Variants in CACNB4 observed in about 807,000 individuals in gnomAD.
CACNB4 encodes calcium voltage-gated channel auxiliary subunit beta 4, also known as voltage-dependent L-type calcium channel subunit beta-4.
Under a neutral mutation model 71.2 loss-of-function variants are expected in CACNB4, and 32 were observed. The ratio of observed to expected loss-of-function variants is 0.45; its 90% CI spans 0.34 to 0.60. CACNB4 has a LOEUF of 0.60. Among genes scored for constraint, CACNB4 ranks in the 20% least tolerant of loss-of-function variants. CACNB4 has a pLI of 0.01. For synonymous variants in CACNB4, 231 were observed against 236.9 expected, an observed-to-expected ratio of 0.97 and a Z score of 0.23; for missense variants, 464 against 647.9, an observed-to-expected ratio of 0.72 and a Z score of 3.08.
chr2:152,096,072 T>A (rs1362255111), intron 2 of CACNB4, among the ~76,000 whole-genome samples: 1 of 152,252 alleles, frequency 6.6e-6, no homozygotes, highest in Non-Finnish European at 1.5e-5. Flanking sequence ...ATTTTCCTTA[T>A]CTCATCAAAG....
intron 2 of CACNB4, among the ~76,000 whole-genome samples, chr2:152,037,941 C>A (rs1579179416): frequency 6.6e-6 from 1 of 152,204 alleles, no homozygotes; most frequent in East Asian, 1.9e-4. Context: ...GAACACAGAG[C>A]CAGGCTGCAA....
chr2:152,011,995 T>C (rs1464454474), intron 2 of CACNB4, among the ~76,000 whole-genome samples: 3 of 152,256 alleles, frequency 2.0e-5, no homozygotes, highest in East Asian at 3.9e-4. Flanking sequence ...CAGATAGTTA[T>C]GTACAGTACA....
chr2:152,041,522 G>C (rs1684872291), intron 2 of CACNB4, among the ~76,000 whole-genome samples: 1 of 152,168 alleles, frequency 6.6e-6, no homozygotes, highest in Admixed American at 6.5e-5. Flanking sequence ...AGGGGCTGAA[G>C]GGATATTATT....
intron 2 of CACNB4, among the ~76,000 whole-genome samples, chr2:151,912,372 G>A (rs1263696830): frequency 6.6e-6 from 1 of 152,134 alleles, no homozygotes; most frequent in Non-Finnish European, 1.5e-5. Context: ...TTGTCTCTTT[G>A]TTCTCATTGG....
chr2:152,052,924 G>C (rs1276212126), intron 2 of CACNB4, among the ~76,000 whole-genome samples: 1 of 151,984 alleles, frequency 6.6e-6, no homozygotes, highest in Non-Finnish European at 1.5e-5. Context: ...GGAGGTTGCA[G>C]TGAGCCGAGA....
intron 2 of CACNB4, among the ~76,000 whole-genome samples, chr2:152,056,400 C>T (rs1297489561): frequency 1.3e-5 from 2 of 151,734 alleles, no homozygotes; most frequent in East Asian, 1.9e-4. Flanking sequence ...TCAGAAATAT[C>T]GTGTCCCCAA....
At position 151,833,440 on chromosome 2, in the gene CACNB4, C is replaced by G. The variant is rs2099834229; in HGVS notation, c.*5679G>C. ...AAAAATACAAAAATCTCACACATGT[C>G]CAAAATTCAGAGGAGCCCTATGAGC... is the stretch of plus-strand genomic sequence containing the variant. On this transcript the variant is annotated 3_prime_UTR_variant, in exon 14 of 14. Transcript: ENST00000539935. 2 of 152,022 alleles carry G rather than the reference C, an allele frequency of 1.3e-5. No individual in the cohort carries two copies. Among genetic ancestry groups the G allele is most frequent in the African/African-American group, 4.8e-5 (2 of 41,414 alleles). 9.4% of individuals were successfully genotyped at this position (152,022 alleles called of 1,614,324 possible). A position where few individuals can be genotyped will look rare whatever the true frequency, so the allele number is the denominator to read the frequency against.
At chr2:152,064,607 T>G (rs1686200493) in intron 2 of CACNB4, among the ~76,000 whole-genome samples, 1 of 152,180 alleles carries the variant, frequency 6.6e-6, no homozygotes, top group South Asian at 2.1e-4. Context: ...AGTCTCAAAC[T>G]CCTGACCTCA....
At chr2:151,865,200 C>T (rs2099842762) in intron 9 of CACNB4, among the ~76,000 whole-genome samples, 1 of 152,168 alleles carries the variant, frequency 6.6e-6, no homozygotes, top group South Asian at 2.1e-4. Flanking sequence ...TCTTATATGG[C>T]TTGGTTGCCT....
chr2:152,024,400 G>T (rs559684707), intron 2 of CACNB4, among the ~76,000 whole-genome samples: 1 of 152,194 alleles, frequency 6.6e-6, no homozygotes, highest in Non-Finnish European at 1.5e-5. Context: ...TATGCAGACT[G>T]ATTTTGTAAT....
chr2:151,953,047 A>C (rs2099867330), intron 2 of CACNB4, among the ~76,000 whole-genome samples: 1 of 152,230 alleles, frequency 6.6e-6, no homozygotes, highest in Non-Finnish European at 1.5e-5. Context: ...GTGGGGTATT[A>C]GGAGTGCAAT....
Position 151,838,347 on chromosome 2 carries a change from T to G in CACNB4, c.*772A>C, listed in dbSNP as rs2099835346. On this transcript the variant is annotated 3_prime_UTR_variant, in exon 14 of 14. Coordinates refer to ENST00000539935, the MANE Select transcript of CACNB4 (RefSeq NM_000726.5). The stretch of plus-strand genomic sequence containing the variant: ...AAAAATTTGAGGTTTTTTGCTTGTT[T>G]GTATTTGTTTTTGCCAACTTCAAAT... 1 of 152,650 alleles carries G rather than the reference T, an allele frequency of 6.6e-6. No individual in the cohort carries two copies. The highest frequency in any genetic ancestry group is 1.5e-5 in the Non-Finnish European group (1 of 68,046). The allele number at this position is 152,650 out of a possible 1,614,324, so 9.5% of individuals were successfully genotyped here.
Position 151,838,969 on chromosome 2 carries a change from T to G in CACNB4, c.*150A>C. 3.5e-6 allele frequency: 2 copies of G among 572,052 alleles called. No homozygotes were observed. Among genetic ancestry groups the G allele is most frequent in the Non-Finnish European group, 6.0e-6 (2 of 334,340 alleles). 35.4% of individuals were successfully genotyped at this position (572,052 alleles called of 1,614,324 possible). A position where few individuals can be genotyped will look rare whatever the true frequency, so the allele number is the denominator to read the frequency against. On this transcript the variant is annotated 3_prime_UTR_variant, in exon 14 of 14. Transcript: ENST00000539935. ...TCTAGACTCAAGGGCATAATGTAATTTTTTTTTTTGCCCCTTACTTAGCAT... is the reference window on the plus strand; with the variant it reads ...TCTAGACTCAAGGGCATAATGTAATGTTTTTTTTTGCCCCTTACTTAGCAT...
chr2:151,863,714 C>A (rs72868016), intron 9 of CACNB4, among the ~76,000 whole-genome samples: 1 of 151,864 alleles, frequency 6.6e-6, no homozygotes, highest in Non-Finnish European at 1.5e-5. Flanking sequence ...TTTTCAAACA[C>A]GACCAAAGTT....
intron 2 of CACNB4, among the ~76,000 whole-genome samples, chr2:152,072,970 T>C (rs1338250150): frequency 6.6e-6 from 1 of 151,974 alleles, no homozygotes; most frequent in Admixed American, 6.6e-5. Flanking sequence ...TTTTATAGGG[T>C]TGGAAACTAA....
chr2:151,881,866 A>T (rs141406623), intron 3 of CACNB4, among the ~76,000 whole-genome samples: 2 of 149,146 alleles, frequency 1.3e-5, no homozygotes, highest in African/African-American at 2.5e-5. Flanking sequence ...TGACTGCATC[A>T]TTCTCCTCCC....
chr2:151,990,781 A>G (rs1160297392), intron 2 of CACNB4, among the ~76,000 whole-genome samples: 2 of 152,236 alleles, frequency 1.3e-5, no homozygotes, highest in African/African-American at 2.4e-5. Context: ...TGATTACCTT[A>G]GAAAGAAAGA....
chr2:151,848,978 G>A (rs908612378), intron 12 of CACNB4, among the ~76,000 whole-genome samples: 4 of 152,164 alleles, frequency 2.6e-5, no homozygotes, highest in Middle Eastern at 3.4e-3. Flanking sequence ...GATGTATAAT[G>A]GCAATACAAA....
At chr2:151,986,839 C>T (rs1200146581) in intron 2 of CACNB4, among the ~76,000 whole-genome samples, 1 of 152,154 alleles carries the variant, frequency 6.6e-6, no homozygotes, top group Non-Finnish European at 1.5e-5. Flanking sequence ...TAATCTCTTA[C>T]TGGGGTTGGG....
Sources: allele counts gnomAD v4.1 joint callset (sites outside exome capture counted in the v4.1 genomes callset), GRCh38; gene constraint gnomAD v4.1.1; transcripts MANE v1.5; gene names NCBI Gene and HGNC (gene_info 2026-07-23, HGNC 2026-07-21).